DAB1: variants seen among roughly 807,000 people sequenced by gnomAD.
The protein encoded by DAB1 is disabled homolog 1.
In DAB1, 15 loss-of-function variants were observed where a neutral mutation model predicts 64.6. That is an observed-to-expected ratio of 0.23 (90% CI 0.16 to 0.36). The LOEUF (loss-of-function observed/expected upper bound fraction) is 0.36. DAB1 is among the 10% of genes least tolerant of loss of function. The probability of loss-of-function intolerance (pLI) is 1.00; values close to 1 mark genes in which losing one functional copy is unlikely to be tolerated. For synonymous variants in DAB1, 235 were observed against 251.9 expected (o/e 0.93, Z 0.64); for missense variants, 596 against 706.7 (o/e 0.84, Z 1.78).
chr1:57,842,089 T>G (rs1316285736), intron 1 of DAB1, among the ~76,000 whole-genome samples: 2 of 152,204 alleles, frequency 1.3e-5, no homozygotes, highest in Non-Finnish European at 2.9e-5. Context: ...CTTGAACACT[T>G]TGCTGCTTAG....
intron 2 of DAB1, among the ~76,000 whole-genome samples, chr1:57,235,750 CA>C (rs1381941477): frequency 6.6e-6 from 1 of 151,300 alleles, no homozygotes; most frequent in Non-Finnish European, 1.5e-5. Context: ...GGTTGAATCA[CA>C]TCTGTTGCAT....
intron 1 of DAB1, among the ~76,000 whole-genome samples, chr1:57,323,390 G>C (rs1310687849): frequency 6.6e-6 from 1 of 152,078 alleles, no homozygotes; most frequent in Non-Finnish European, 1.5e-5. Flanking sequence ...ACTCAGGAAG[G>C]AATGAAGAAT....
chr1:57,281,847 A>G (rs915718300), intron 2 of DAB1, among the ~76,000 whole-genome samples: 1 of 152,116 alleles, frequency 6.6e-6, no homozygotes, highest in Non-Finnish European at 1.5e-5. Flanking sequence ...GATATGTAGA[A>G]GCTCACATGA....
intron 1 of DAB1, among the ~76,000 whole-genome samples, chr1:57,341,892 A>G (rs2100830684): frequency 6.6e-6 from 1 of 152,318 alleles, no homozygotes; most frequent in South Asian, 2.1e-4. Flanking sequence ...AGCACTGAGA[A>G]GCTCCTAGGT....
At chr1:58,539,054 C>T (rs777437123) in intron 1 of DAB1, 2 of 872,866 alleles carry the variant, frequency 2.3e-6, no homozygotes, top group East Asian at 4.8e-5. Flanking sequence ...CTTGAGAGGC[C>T]TCCTGTTCTT....
intron 4 of DAB1, among the ~76,000 whole-genome samples, chr1:58,278,124 T>C (rs1199097281): frequency 6.6e-6 from 1 of 152,146 alleles, no homozygotes; most frequent in Non-Finnish European, 1.5e-5. Flanking sequence ...AATCCCCACA[T>C]GTCGAGGGTG....
At chr1:58,335,345 T>A (rs1377383774) in intron 4 of DAB1, among the ~76,000 whole-genome samples, 6 of 152,156 alleles carry the variant, frequency 3.9e-5, no homozygotes, top group Non-Finnish European at 7.4e-5. Flanking sequence ...GGCCAAAACC[T>A]CAGGCAACTT....
chr1:57,514,434 G>A (rs1168967782), intron 7 of DAB1, among the ~76,000 whole-genome samples: 1 of 152,132 alleles, frequency 6.6e-6, no homozygotes, highest in Non-Finnish European at 1.5e-5. Context: ...GTTTAGTCAT[G>A]TTACTTTTGC....
At chr1:57,354,484 G>A (rs1678897746) in intron 1 of DAB1, among the ~76,000 whole-genome samples, 1 of 152,072 alleles carries the variant, frequency 6.6e-6, no homozygotes, top group Non-Finnish European at 1.5e-5. Context: ...CTCAGTTAGG[G>A]AATTGATCAT....
chr1:57,530,951 T>C (rs1039423579), intron 7 of DAB1, among the ~76,000 whole-genome samples: 1 of 152,158 alleles, frequency 6.6e-6, no homozygotes, highest in Non-Finnish European at 1.5e-5. Flanking sequence ...GAATCTTTTG[T>C]TGGTGTTGGC....
At chr1:58,324,086 C>T (rs948053372) in intron 4 of DAB1, among the ~76,000 whole-genome samples, 2 of 152,024 alleles carry the variant, frequency 1.3e-5, no homozygotes, top group Non-Finnish European at 2.9e-5. Context: ...CCTTGTTTTC[C>T]AGGGAGCTCA....
intron 6 of DAB1, among the ~76,000 whole-genome samples, chr1:57,666,048 G>T (rs116182278): frequency 0.014 from 2,078 of 152,096 alleles, 27 homozygotes; most frequent in Admixed American, 0.042. Context: ...GATAGCTAAA[G>T]GAATATTTGC....
At chr1:58,117,145 A>C (rs545337009) in intron 5 of DAB1, among the ~76,000 whole-genome samples, 1 of 152,320 alleles carries the variant, frequency 6.6e-6, no homozygotes, top group South Asian at 2.1e-4. Flanking sequence ...TCATTTACTA[A>C]GCAATCTCAG....
At chr1:58,491,445 T>A (rs7523411) in intron 3 of DAB1, among the ~76,000 whole-genome samples, 1 of 151,916 alleles carries the variant, frequency 6.6e-6, no homozygotes, top group Non-Finnish European at 1.5e-5. Context: ...GGGCTAAATG[T>A]TCCAATCAAA....
chr1:57,497,319 G>A (rs935503317), intron 7 of DAB1, among the ~76,000 whole-genome samples: 1 of 152,152 alleles, frequency 6.6e-6, no homozygotes, highest in South Asian at 2.1e-4. Flanking sequence ...CAAGGACACT[G>A]ATCAGGTTTG....
chr1:58,462,316 C>T (rs971116956), intron 3 of DAB1, among the ~76,000 whole-genome samples: 3 of 151,762 alleles, frequency 2.0e-5, no homozygotes, highest in Non-Finnish European at 4.4e-5. Flanking sequence ...TTAGTAGAGA[C>T]GGGGTTTCAC....
At chr1:57,178,338 C>G (rs571857357) in intron 2 of DAB1, among the ~76,000 whole-genome samples, 1 of 149,636 alleles carries the variant, frequency 6.7e-6, no homozygotes, top group East Asian at 2.0e-4. Context: ...GAACTTCAAA[C>G]CCAGATGTTA....
At chr1:57,073,020 C>G (rs573601197) in intron 4 of DAB1, among the ~76,000 whole-genome samples, 17 of 152,274 alleles carry the variant, frequency 1.1e-4, no homozygotes, top group African/African-American at 3.9e-4. Flanking sequence ...AACATCAACT[C>G]TTTTTATCCA....
intron 4 of DAB1, among the ~76,000 whole-genome samples, chr1:58,317,288 C>G (rs1417021198): frequency 6.6e-6 from 1 of 152,248 alleles, no homozygotes; most frequent in African/African-American, 2.4e-5. Flanking sequence ...ACATGGCAGG[C>G]AGAATGACCC....
Sources: allele counts gnomAD v4.1 joint callset (sites outside exome capture counted in the v4.1 genomes callset), GRCh38; gene constraint gnomAD v4.1.1; transcripts MANE v1.5; gene names NCBI Gene and HGNC (gene_info 2026-07-23, HGNC 2026-07-21).